The following DNAH14 variants were observed in gnomAD, a reference collection of about 807,000 sequenced individuals.
DNAH14 encodes the protein axonemal beta dynein heavy chain 14.
A neutral mutation model predicts 520.9 loss-of-function variants in DNAH14; 478 were observed. The ratio of observed to expected loss-of-function variants is 0.92; its 90% CI spans 0.85 to 0.99. DNAH14 has a LOEUF of 0.99. DNAH14 is among the 50% of genes least tolerant of loss of function. The pLI is 0.00. For synonymous variants in DNAH14, 1,581 were observed against 1,757.2 expected (o/e 0.90, Z 2.51); for missense variants, 4,831 against 5,234.5 (o/e 0.92, Z 2.38).
chr1:225,342,899 G>A (rs1558465528), intron 69 of DNAH14, among the ~76,000 whole-genome samples: 2 of 148,882 alleles, frequency 1.3e-5, no homozygotes, highest in South Asian at 4.3e-4. Flanking sequence ...CCTCTTGGCC[G>A]GCGCTCACAG....
chr1:225,087,162 A>T (rs892815062), intron 21 of DNAH14, among the ~76,000 whole-genome samples: 3 of 152,222 alleles, frequency 2.0e-5, no homozygotes, highest in African/African-American at 7.2e-5. Flanking sequence ...TATTTGGCTT[A>T]TGGTTCTGGA....
chr1:224,947,314 A>G (rs994540490), intron 1 of DNAH14, among the ~76,000 whole-genome samples: 2 of 152,206 alleles, frequency 1.3e-5, no homozygotes, highest in Non-Finnish European at 2.9e-5. Context: ...AAGCTTTAGT[A>G]TTAATTCTAC....
chr1:225,089,762 C>A (rs776540873), intron 21 of DNAH14, among the ~76,000 whole-genome samples: 69 of 152,140 alleles, frequency 4.5e-4, no homozygotes, highest in Non-Finnish European at 8.8e-4. Flanking sequence ...AAATTTTTTA[C>A]AGAATTCAAC....
intron 7 of DNAH14, among the ~76,000 whole-genome samples, chr1:224,971,732 A>T (rs1324798284): frequency 6.6e-6 from 1 of 152,208 alleles, no homozygotes; most frequent in Non-Finnish European, 1.5e-5. Flanking sequence ...AAAGTTGTGA[A>T]GCAGGAACAA....
At chr1:225,002,623 A>G (rs1451664407) in intron 8 of DNAH14, among the ~76,000 whole-genome samples, 160 bp from the exon 9 acceptor site, 1 of 152,064 alleles carries the variant, frequency 6.6e-6, no homozygotes, top group Non-Finnish European at 1.5e-5. Context: ...TTATCATCCA[A>G]ACACAACCCC....
intron 10 of DNAH14, among the ~76,000 whole-genome samples, chr1:225,009,076 G>C (rs1217715543): frequency 1.3e-5 from 2 of 152,058 alleles, no homozygotes; most frequent in African/African-American, 2.4e-5. Flanking sequence ...CACTCTGATG[G>C]TAGTTTCTTT....
At chr1:225,134,441 G>T (rs563003655) in intron 27 of DNAH14, among the ~76,000 whole-genome samples, 3 of 152,252 alleles carry the variant, frequency 2.0e-5, no homozygotes, top group African/African-American at 7.2e-5. Context: ...ATGAAGAGAT[G>T]TTGAATTTTT....
In DNAH14 at chr1:225,002,876, CA is replaced by C; in HGVS notation, c.929del (p.Asn310IlefsTer15). The C allele has an allele frequency of 6.5e-7, 1 of 1,549,312 alleles. No homozygotes were observed. Among genetic ancestry groups the C allele is most frequent in the Admixed American group, 2.0e-5 (1 of 50,876 alleles). On this transcript the variant is annotated frameshift_variant, in exon 9 of 86. Coordinates refer to ENST00000682510, the MANE Select transcript of DNAH14 (RefSeq NM_001367479.1). LOFTEE classifies it high-confidence loss of function. ...GACTTTGTGAAGATGCAATTAATCT[CA>C]AAAATTATAATGACCATGAAAATAA... ...RGLCEDAINL[K>X]NYNDHENNLS...
intron 8 of DNAH14, among the ~76,000 whole-genome samples, chr1:224,976,710 T>G (rs960005044): frequency 2.0e-5 from 3 of 150,208 alleles, no homozygotes; most frequent in Non-Finnish European, 4.4e-5. Flanking sequence ...AAGAAGACAT[T>G]TATGCAGCCA....
chr1:225,088,669 C>T lies in DNAH14; in HGVS notation c.3573+2880C>T, dbSNP rs2074046395. Among the ~76,000 whole-genome samples the T allele has an allele frequency of 3.3e-5, 5 of 152,220 alleles. No homozygotes were observed. In the Middle Eastern group the frequency reaches 0.01, roughly 311 times the overall value. On this transcript the variant is annotated intron_variant, in intron 21 of 85. Coordinates refer to ENST00000682510, the MANE Select transcript of DNAH14 (RefSeq NM_001367479.1). ...TGAAAACCATAAAGACATAGATTTACACTCAATACATTCTAAGCCCAAGAA... is the reference window on the plus strand; with the variant it reads ...TGAAAACCATAAAGACATAGATTTATACTCAATACATTCTAAGCCCAAGAA...
chr1:225,356,214 C>A (rs973625623), intron 73 of DNAH14, among the ~76,000 whole-genome samples: 10 of 152,066 alleles, frequency 6.6e-5, no homozygotes, highest in African/African-American at 1.9e-4. Flanking sequence ...TATTTTTGAG[C>A]CAAGATTTGA....
chr1:225,223,090 G>A (rs2090205778), intron 41 of DNAH14, among the ~76,000 whole-genome samples: 1 of 152,030 alleles, frequency 6.6e-6, no homozygotes, highest in African/African-American at 2.4e-5. Flanking sequence ...AGAAAACAGA[G>A]GTTTTGCCTG....
intron 76 of DNAH14, among the ~76,000 whole-genome samples, 195 bp from the exon 77 acceptor site, chr1:225,367,610 A>C (rs914799383): frequency 2.6e-5 from 4 of 152,218 alleles, no homozygotes; most frequent in Admixed American, 2.0e-4. Flanking sequence ...GAACAATAGA[A>C]AATCTGGGAC....
At chr1:225,349,634 G>A (rs2095336588) in intron 71 of DNAH14, among the ~76,000 whole-genome samples, 1 of 152,174 alleles carries the variant, frequency 6.6e-6, no homozygotes, top group Admixed American at 6.6e-5. Context: ...GGTAACCAAA[G>A]AGAGTAGGAG....
In DNAH14 at chr1:225,038,258, C is replaced by CTTTA. The variant is rs761377268; in HGVS notation, c.1359-422_1359-419dup. ...TGAACGGTTTTGTTTTTCTTCTGTACTTTATTTATTTATTTATGTATTTGA... is the reference window on the plus strand; with the variant it reads ...TGAACGGTTTTGTTTTTCTTCTGTACTTTATTTATTTATTTATTTATGTATTTGA... On this transcript the variant is annotated intron_variant, in intron 11 of 85. Coordinates refer to ENST00000682510, the MANE Select transcript of DNAH14 (RefSeq NM_001367479.1). Among the ~76,000 whole-genome samples the CTTTA allele has an allele frequency of 6.6e-5, 10 of 151,952 alleles. No individual in the cohort carries two copies. The South Asian group carries it at 2.1e-3, about 32-fold the overall frequency.
intron 7 of DNAH14, among the ~76,000 whole-genome samples, chr1:224,972,552 G>A (rs941396319): frequency 1.3e-5 from 2 of 151,266 alleles, no homozygotes; most frequent in Admixed American, 6.6e-5. Flanking sequence ...TGCAAGCTCC[G>A]CCTCCCGGGT....
Position 225,308,218 on chromosome 1 carries a change from T to C in DNAH14, c.9115-67T>C, listed in dbSNP as rs1005518857. On this transcript the variant is annotated intron_variant, in intron 59 of 85. Transcript: ENST00000682510. ...ACCATAGTGAAATGAGATATTTGAA[T>C]TGCTCTTTTAGAAAAGAGATCATGT... 12 of 1,437,120 alleles carry C rather than the reference T, an allele frequency of 8.4e-6. No homozygotes were observed. The African/African-American group carries it at 1.6e-4, about 19-fold the overall frequency. 89.0% of individuals were successfully genotyped at this position (1,437,120 alleles called of 1,614,324 possible). A position where few individuals can be genotyped will look rare whatever the true frequency, so the allele number is the denominator to read the frequency against.
chr1:225,338,777 A>T (rs2095115427), intron 68 of DNAH14, among the ~76,000 whole-genome samples: 2 of 152,170 alleles, frequency 1.3e-5, no homozygotes, highest in South Asian at 4.1e-4. Flanking sequence ...ATGCAAAGCT[A>T]CAGGAAAGGC....
rs145455756 is a variant in DNAH14, at chr1:225,164,598, C to T, written c.5446-3341C>T. Among the ~76,000 whole-genome samples the T allele has an allele frequency of 6.5e-4, 99 of 152,094 alleles. No individual in the cohort carries two copies. In the East Asian group the frequency reaches 0.017, roughly 26 times the overall value. ...TTTTCCTGCTCACTATGGGGTAGATCGAGTTTTCTTCTTTGTTTGTTATAT... is the reference window on the plus strand; with the variant it reads ...TTTTCCTGCTCACTATGGGGTAGATTGAGTTTTCTTCTTTGTTTGTTATAT... On this transcript the variant is annotated intron_variant, in intron 35 of 85. Coordinates refer to ENST00000682510, the MANE Select transcript of DNAH14 (RefSeq NM_001367479.1).
Sources: allele counts gnomAD v4.1 joint callset (sites outside exome capture counted in the v4.1 genomes callset), GRCh38; gene constraint gnomAD v4.1.1; transcripts MANE v1.5; gene names NCBI Gene and HGNC (gene_info 2026-07-23, HGNC 2026-07-21).